Variants in KCND3 observed in about 807,000 individuals in gnomAD.
KCND3 encodes the protein A-type voltage-gated potassium channel KCND3.
KCND3 carries 9 observed loss-of-function variants against 51.1 expected under a neutral mutation model. The observed-to-expected ratio is 0.18, with a 90% CI of 0.11 to 0.31. The LOEUF is 0.31. Among genes scored for constraint, KCND3 ranks in the 10% least tolerant of loss-of-function variants. KCND3 has a pLI of 1.00. For synonymous variants in KCND3, 349 were observed against 368.0 expected, an observed-to-expected ratio of 0.95 and a Z score of 0.59; for missense variants, 526 against 903.8, an observed-to-expected ratio of 0.58 and a Z score of 5.36.
intron 2 of KCND3, among the ~76,000 whole-genome samples, chr1:111,926,641 G>A (rs1029586791): frequency 6.6e-6 from 1 of 152,266 alleles, no homozygotes; most frequent in Non-Finnish European, 1.5e-5. Flanking sequence ...GCTTGCCCAG[G>A]CCTGCAGGGC....
chr1:111,833,162 C>T (rs1666918344), intron 2 of KCND3, among the ~76,000 whole-genome samples: 1 of 152,254 alleles, frequency 6.6e-6, no homozygotes, highest in Non-Finnish European at 1.5e-5. Context: ...TTAACAGGCT[C>T]ACCACTTGAC....
At chr1:111,788,431 C>G (rs546722881) in intron 2 of KCND3, among the ~76,000 whole-genome samples, 2 of 152,176 alleles carry the variant, frequency 1.3e-5, no homozygotes, top group African/African-American at 4.8e-5. Context: ...ATGGGGCAAG[C>G]TATTTCAGAA....
chr1:111,896,537 G>A (rs1021868484), intron 2 of KCND3, among the ~76,000 whole-genome samples: 8 of 152,200 alleles, frequency 5.3e-5, no homozygotes, highest in Admixed American at 1.3e-4. Context: ...AACAGAACTG[G>A]GCTGGAGGCT....
At chr1:111,918,684 T>C (rs1325444531) in intron 2 of KCND3, among the ~76,000 whole-genome samples, 1 of 152,096 alleles carries the variant, frequency 6.6e-6, no homozygotes, top group Non-Finnish European at 1.5e-5. Context: ...ACTGAGGGGC[T>C]GAATGGAGCC....
intron 2 of KCND3, among the ~76,000 whole-genome samples, chr1:111,807,285 T>C (rs1665613959): frequency 6.6e-6 from 1 of 152,202 alleles, no homozygotes; most frequent in Non-Finnish European, 1.5e-5. Flanking sequence ...CCTATAAAAT[T>C]GTGGTATCGT....
At chr1:111,973,947 C>G (rs760014097) in intron 2 of KCND3, among the ~76,000 whole-genome samples, 2 of 152,194 alleles carry the variant, frequency 1.3e-5, no homozygotes, top group African/African-American at 2.4e-5. Context: ...TGAGGTGGCA[C>G]TTATATTAAA....
At chr1:111,813,820 A>G (rs925854859) in intron 2 of KCND3, among the ~76,000 whole-genome samples, 8 of 152,206 alleles carry the variant, frequency 5.3e-5, no homozygotes, top group Non-Finnish European at 1.2e-4. Context: ...TTCCCATTAT[A>G]TAGATGAGGA....
chr1:111,904,031 G>C lies in KCND3; in HGVS notation c.1106+77590C>G, dbSNP rs181221740. Among the ~76,000 whole-genome samples, 5 of 152,122 alleles carry C rather than the reference G, an allele frequency of 3.3e-5. No homozygotes were observed. The East Asian group carries it at 7.7e-4, about 23-fold the overall frequency. On this transcript the variant is annotated intron_variant, in intron 2 of 7. Coordinates refer to ENST00000302127, the MANE Select transcript of KCND3 (RefSeq NM_001378969.1). ...GTGAATTCAGGCAAATAAACAATTTGTTGGCCTTCTGGCTCCCCTGGTGTG... is the reference window on the plus strand; with the variant it reads ...GTGAATTCAGGCAAATAAACAATTTCTTGGCCTTCTGGCTCCCCTGGTGTG...
intron 2 of KCND3, among the ~76,000 whole-genome samples, chr1:111,941,421 G>A (rs190170544): frequency 1.2e-4 from 19 of 152,178 alleles, no homozygotes; most frequent in African/African-American, 2.2e-4. Flanking sequence ...CAAACCCTCC[G>A]TCCAGCTCCC....
intron 2 of KCND3, among the ~76,000 whole-genome samples, chr1:111,888,668 T>G (rs1385576248): frequency 3.5e-5 from 4 of 114,560 alleles, no homozygotes; most frequent in East Asian, 2.4e-4. Context: ...GATGACAGAG[T>G]GACACTCCAT....
At chr1:111,868,318 CAGCCATCTGGTT>C (rs1291248017) in intron 2 of KCND3, among the ~76,000 whole-genome samples, 1 of 152,194 alleles carries the variant, frequency 6.6e-6, no homozygotes, top group Non-Finnish European at 1.5e-5. Flanking sequence ...AGTCATTTAG[CAGCCATCTGGTT>C]ATCAGATAAC....
At chr1:111,929,163 G>A (rs1386293024) in intron 2 of KCND3, among the ~76,000 whole-genome samples, 2 of 152,180 alleles carry the variant, frequency 1.3e-5, no homozygotes, top group African/African-American at 2.4e-5. Context: ...ACACCAACCA[G>A]CCCACGCCCA....
intron 2 of KCND3, among the ~76,000 whole-genome samples, chr1:111,810,475 A>T (rs569772184): frequency 3.4e-4 from 52 of 152,350 alleles, no homozygotes; most frequent in African/African-American, 1.2e-3. Context: ...TGCTGGGCAC[A>T]GACTGGCACC....
At chr1:111,863,069 A>T (rs769926501) in intron 2 of KCND3, among the ~76,000 whole-genome samples, 10 of 152,260 alleles carry the variant, frequency 6.6e-5, no homozygotes, top group Middle Eastern at 3.2e-3. Flanking sequence ...AGAAAAGACA[A>T]GGAAAATACA....
At chr1:111,962,140 C>T (rs1411773087) in intron 2 of KCND3, among the ~76,000 whole-genome samples, 1 of 152,146 alleles carries the variant, frequency 6.6e-6, no homozygotes, top group Non-Finnish European at 1.5e-5. Flanking sequence ...ACATTATAAA[C>T]GTCATTATTT....
chr1:111,784,145 C>CACACACACACACT (rs1553236817), intron 3 of KCND3, among the ~76,000 whole-genome samples: 2 of 125,078 alleles, frequency 1.6e-5, no homozygotes, highest in Admixed American at 7.4e-5. Context: ...ACACACACAC[C>CACACACACACACT]AGTCCAAGTA....
Position 111,852,873 on chromosome 1 carries a change from T to A in KCND3, c.1107-65767A>T, listed in dbSNP as rs1052812055. On this transcript the variant is annotated intron_variant, in intron 2 of 7. Coordinates refer to ENST00000302127, the MANE Select transcript of KCND3 (RefSeq NM_001378969.1). Reference sequence around the variant, plus strand: ...GTTTTCTTCAGCTCCGCTCTGCCCGTGCTTCCTCCACTTCCCCGACCCCTG... The same window carrying A: ...GTTTTCTTCAGCTCCGCTCTGCCCGAGCTTCCTCCACTTCCCCGACCCCTG... 2.6e-5 allele frequency among the ~76,000 whole-genome samples: 4 copies of A among 152,170 alleles called. No individual in the cohort carries two copies. The South Asian group carries it at 8.3e-4, about 32-fold the overall frequency.
chr1:111,933,455 C>T (rs553335226), intron 2 of KCND3, among the ~76,000 whole-genome samples: 210 of 152,272 alleles, frequency 1.4e-3, no homozygotes, highest in Non-Finnish European at 1.9e-3. Flanking sequence ...AAAACTTACC[C>T]CTACCATTCC....
chr1:111,875,899 C>T (rs949604309), intron 2 of KCND3, among the ~76,000 whole-genome samples: 6 of 152,230 alleles, frequency 3.9e-5, no homozygotes, highest in Admixed American at 3.9e-4. Flanking sequence ...TTTGAAGTTC[C>T]TCACAGCCCC....
Sources: gnomAD v4.1 joint callset for allele counts (sites outside exome capture counted in the v4.1 genomes callset) on GRCh38, gnomAD v4.1.1 for gene constraint, MANE v1.5 for transcripts, NCBI Gene and HGNC (gene_info 2026-07-23, HGNC 2026-07-21) for gene names.